The following WDR70 variants were observed in gnomAD, a reference collection of about 807,000 sequenced individuals.
WDR70 encodes WD repeat-containing protein 70.
In WDR70, 53 loss-of-function variants were observed where a neutral mutation model predicts 88.6. The observed-to-expected ratio is 0.60, with a 90% CI of 0.48 to 0.75. The LOEUF (loss-of-function observed/expected upper bound fraction) is 0.75. Ranked by LOEUF, WDR70 falls within the 30% of genes least tolerant of loss-of-function variation. The pLI is 0.00. For missense variants in WDR70, 610 were observed against 823.2 expected (o/e 0.74, Z 3.17); for synonymous variants, 280 against 270.0 (o/e 1.04, Z -0.36).
chr5:37,694,749 GATGA>G (rs1746929179), intron 10 of WDR70, among the ~76,000 whole-genome samples: 1 of 152,044 alleles, frequency 6.6e-6, no homozygotes, highest in South Asian at 2.1e-4. Flanking sequence ...TAATGTAAAT[GATGA>G]GTTGATGGGT....
chr5:37,396,087 T>C (rs917347991), intron 4 of WDR70, among the ~76,000 whole-genome samples: 7 of 152,162 alleles, frequency 4.6e-5, no homozygotes, highest in Admixed American at 3.9e-4. Flanking sequence ...GTGTGAGCCA[T>C]TGCACTCAGT....
At chr5:37,439,575 T>A (rs1750587787) in intron 6 of WDR70, among the ~76,000 whole-genome samples, 2 of 151,962 alleles carry the variant, frequency 1.3e-5, no homozygotes, top group Non-Finnish European at 1.5e-5. Context: ...CCAGTATGTT[T>A]TACACATTGA....
intron 8 of WDR70, among the ~76,000 whole-genome samples, chr5:37,491,030 G>A (rs1448326948): frequency 1.3e-5 from 2 of 152,130 alleles, no homozygotes; most frequent in Non-Finnish European, 2.9e-5. Context: ...CCAGGTGTGC[G>A]TGGAACCTAT....
chr5:37,398,961 G>A (rs1055738361), intron 5 of WDR70, among the ~76,000 whole-genome samples: 2 of 152,122 alleles, frequency 1.3e-5, no homozygotes, highest in African/African-American at 2.4e-5. Context: ...GGCCAACATG[G>A]TGAAACCTTG....
intron 7 of WDR70, among the ~76,000 whole-genome samples, chr5:37,453,045 G>C (rs1257324667): frequency 6.6e-6 from 1 of 152,212 alleles, no homozygotes; most frequent in Non-Finnish European, 1.5e-5. Flanking sequence ...CTGACATTAT[G>C]TGTTTTTTAC....
chr5:37,563,821 C>T (rs1005720510), intron 9 of WDR70, among the ~76,000 whole-genome samples: 8 of 128,562 alleles, frequency 6.2e-5, no homozygotes, highest in Non-Finnish European at 1.1e-4. Flanking sequence ...GTGTGGCTGC[C>T]GGGCGGAGGG....
At chr5:37,717,042 C>T (rs77439882) in intron 13 of WDR70, among the ~76,000 whole-genome samples, 1,594 of 152,190 alleles carry the variant, frequency 0.01, 15 homozygotes, top group Non-Finnish European at 0.019. Context: ...TGCTTATGGT[C>T]TCCTATTCCA....
At chr5:37,568,334 G>A (rs192987844) in intron 9 of WDR70, among the ~76,000 whole-genome samples, 1 of 152,092 alleles carries the variant, frequency 6.6e-6, no homozygotes, top group Non-Finnish European at 1.5e-5. Context: ...TATAAATGCA[G>A]GTTAAAAAAT....
intron 9 of WDR70, among the ~76,000 whole-genome samples, chr5:37,530,103 TG>T (rs1401145915): frequency 1.3e-5 from 2 of 152,216 alleles, no homozygotes; most frequent in African/African-American, 4.8e-5. Flanking sequence ...TTTTTAATTC[TG>T]TTTATGTGAT....
At chr5:37,630,353 C>T (rs185119415) in intron 10 of WDR70, among the ~76,000 whole-genome samples, 189 of 152,308 alleles carry the variant, frequency 1.2e-3, no homozygotes, top group African/African-American at 4.3e-3. Context: ...GCAATGTTTC[C>T]ACCAGGGGTG....
intron 5 of WDR70, among the ~76,000 whole-genome samples, chr5:37,429,604 A>G (rs1750241607): frequency 6.6e-6 from 1 of 152,118 alleles, no homozygotes; most frequent in African/African-American, 2.4e-5. Flanking sequence ...AGGTCTTCTC[A>G]TTTGGATTAT....
intron 8 of WDR70, among the ~76,000 whole-genome samples, chr5:37,483,591 A>G (rs75871157): frequency 0.26 from 39,608 of 151,908 alleles, 5,762 homozygotes; most frequent in East Asian, 0.48. Flanking sequence ...TCGTCATCAT[A>G]GCCCGTTCTC....
intron 9 of WDR70, among the ~76,000 whole-genome samples, chr5:37,528,628 TA>T (rs60662114): frequency 0.64 from 97,137 of 151,670 alleles, 31,436 homozygotes; most frequent in Non-Finnish European, 0.69. Flanking sequence ...TAAAGTATAA[TA>T]AAAAAAAACT....
intron 7 of WDR70, among the ~76,000 whole-genome samples, chr5:37,457,267 T>G (rs1738871557): frequency 6.6e-6 from 1 of 152,106 alleles, no homozygotes; most frequent in South Asian, 2.1e-4. Context: ...GGCTAATATT[T>G]GGATTTTTAG....
At chr5:37,500,148 C>T (rs1387833908) in intron 8 of WDR70, among the ~76,000 whole-genome samples, 3 of 152,142 alleles carry the variant, frequency 2.0e-5, no homozygotes, top group African/African-American at 4.8e-5. Flanking sequence ...CCTTTGTGTA[C>T]CCATAGCTTA....
chr5:37,711,987 C>CTTTTTTTTTTTTTTTTT (rs70978842), intron 13 of WDR70, among the ~76,000 whole-genome samples: 1 of 104,022 alleles, frequency 9.6e-6, no homozygotes, highest in Non-Finnish European at 1.9e-5. Flanking sequence ...TATATTTTTT[C>CTTTTTTTTTTTTTTTTT]TTTTTTTTTT....
In WDR70 at chr5:37,494,881, A is replaced by G. The variant is rs532195637; in HGVS notation, c.840+14894A>G. Among the ~76,000 whole-genome samples, 3 of 152,366 alleles carry G rather than the reference A, an allele frequency of 2.0e-5. No individual in the cohort carries two copies. In the East Asian group the frequency reaches 5.8e-4, roughly 29 times the overall value. On this transcript the variant is annotated intron_variant, in intron 8 of 17. Transcript: ENST00000265107. ...TTAGAATCCTTGATTTATGCAAGCA[A>G]ATGACTAAGAGTGTGTTAGGGTTGG...
chr5:37,434,635 A>G (rs1750414221), intron 5 of WDR70, among the ~76,000 whole-genome samples: 1 of 152,302 alleles, frequency 6.6e-6, no homozygotes, highest in East Asian at 1.9e-4. Flanking sequence ...AAATTTCTGT[A>G]AGGATGTTCA....
Position 37,403,252 on chromosome 5 carries a change from A to G in WDR70, c.492+6682A>G, listed in dbSNP as rs573392217. On this transcript the variant is annotated intron_variant, in intron 5 of 17. Transcript: ENST00000265107. ...CATGAGCCACTGTGCCCGGTCCCCA[A>G]TCTTTCTAACCACTCATGAATTATG... Among the ~76,000 whole-genome samples the G allele has an allele frequency of 6.6e-5, 10 of 152,168 alleles. No homozygotes were observed. In the South Asian group the frequency reaches 1.7e-3, roughly 25 times the overall value.
Sources: allele counts gnomAD v4.1 joint callset (sites outside exome capture counted in the v4.1 genomes callset), GRCh38; gene constraint gnomAD v4.1.1; transcripts MANE v1.5; gene names NCBI Gene and HGNC (gene_info 2026-07-23, HGNC 2026-07-21).